Variants in LIN28B observed in about 807,000 individuals in gnomAD.
LIN28B encodes lin-28 RNA binding posttranscriptional regulator B, also known as protein lin-28 homolog B.
In LIN28B, 5 loss-of-function variants were observed where a neutral mutation model predicts 21.9. The ratio of observed to expected loss-of-function variants is 0.23; its 90% CI spans 0.12 to 0.48. The LOEUF is 0.48. Among genes scored for constraint, LIN28B ranks in the 20% least tolerant of loss-of-function variants. The pLI, the probability that LIN28B is intolerant of heterozygous loss-of-function variation, is 0.98. For missense variants in LIN28B, 245 were observed against 310.5 expected (o/e 0.79, Z 1.58); for synonymous variants, 109 against 111.3 (o/e 0.98, Z 0.13).
chr6:105,074,449 C>G (rs9500024), intron 3 of LIN28B, among the ~76,000 whole-genome samples: 1 of 152,142 alleles, frequency 6.6e-6, no homozygotes, highest in Non-Finnish European at 1.5e-5. Flanking sequence ...CTGCCCACCT[C>G]GGCCTCCCAA....
chr6:105,013,925 A>C (rs777630846), intron 2 of LIN28B, among the ~76,000 whole-genome samples: 3 of 151,722 alleles, frequency 2.0e-5, no homozygotes, highest in Non-Finnish European at 4.4e-5. Flanking sequence ...TTGATTCCTG[A>C]TTTTGATAAT....
At chr6:104,967,384 A>T (rs1769883567) in intron 2 of LIN28B, among the ~76,000 whole-genome samples, 1 of 151,718 alleles carries the variant, frequency 6.6e-6, no homozygotes, top group Non-Finnish European at 1.5e-5. Flanking sequence ...ATTTGAGACC[A>T]GCCTGGCCAA....
chr6:105,000,853 G>A (rs556278917), intron 2 of LIN28B, among the ~76,000 whole-genome samples: 1 of 152,138 alleles, frequency 6.6e-6, no homozygotes, highest in South Asian at 2.1e-4. Context: ...ATATGACCAA[G>A]GTCACACTAC....
chr6:104,938,050 C>CAAAAAAAAAAAAAAAAAAA (rs10562331), intron 2 of LIN28B, among the ~76,000 whole-genome samples: 2 of 73,710 alleles, frequency 2.7e-5, no homozygotes, highest in African/African-American at 1.2e-4. Flanking sequence ...CCTGTCTCTA[C>CAAAAAAAAAAAAAAAAAAA]AAAAAAAAAA....
chr6:104,949,672 T>C (rs1359416268), intron 2 of LIN28B, among the ~76,000 whole-genome samples: 3 of 152,180 alleles, frequency 2.0e-5, no homozygotes, highest in African/African-American at 2.4e-5. Flanking sequence ...CCAATCTGTT[T>C]TGCAAACCTT....
chr6:104,958,293 C>G lies in LIN28B; in HGVS notation c.198+7C>G, dbSNP rs753304259. 6.5e-6 allele frequency: 10 copies of G among 1,536,914 alleles called. No homozygotes were observed. The highest frequency in any genetic ancestry group is 8.0e-6 in the Non-Finnish European group (9 of 1,127,912). ...CGATGTATTTGTACACCAAGTAAGC[C>G]AAACTTTTTTGTCCCCCTCTTCATC... On this transcript the variant is annotated splice_region_variant and intron_variant, in intron 2 of 3. Transcript: ENST00000345080.
At chr6:105,031,402 T>C (rs1257263463) in intron 3 of LIN28B, among the ~76,000 whole-genome samples, 1 of 152,114 alleles carries the variant, frequency 6.6e-6, no homozygotes, top group Non-Finnish European at 1.5e-5. Flanking sequence ...ATTGATTTGG[T>C]CTGCTGATGT....
chr6:105,048,994 G>A (rs1293398675), intron 3 of LIN28B, among the ~76,000 whole-genome samples: 1 of 151,984 alleles, frequency 6.6e-6, no homozygotes, highest in Non-Finnish European at 1.5e-5. Flanking sequence ...TGTTTTGAAG[G>A]GTTTTTTGTG....
chr6:105,030,108 G>T (rs1771388612), intron 3 of LIN28B, among the ~76,000 whole-genome samples: 1 of 152,100 alleles, frequency 6.6e-6, no homozygotes, highest in Non-Finnish European at 1.5e-5. Flanking sequence ...TAAGCTAAGG[G>T]TGTCCATAAT....
chr6:105,031,726 G>A (rs560419948), intron 3 of LIN28B, among the ~76,000 whole-genome samples: 2 of 151,862 alleles, frequency 1.3e-5, no homozygotes, highest in African/African-American at 2.4e-5. Context: ...TAGTAGAGAC[G>A]GAGTTTCACC....
intron 2 of LIN28B, among the ~76,000 whole-genome samples, chr6:104,993,215 C>T (rs1438757484): frequency 6.6e-6 from 1 of 152,066 alleles, no homozygotes; most frequent in African/African-American, 2.4e-5. Flanking sequence ...CTCATGTAAT[C>T]CCAGCACTTA....
intron 2 of LIN28B, among the ~76,000 whole-genome samples, chr6:105,018,768 T>A (rs1288776244): frequency 1.3e-5 from 2 of 152,148 alleles, no homozygotes. Context: ...CATTTTCTAA[T>A]CTTTCACTTC....
intron 3 of LIN28B, among the ~76,000 whole-genome samples, chr6:105,055,940 T>TG (rs1317752399): frequency 1.4e-5 from 2 of 148,124 alleles, no homozygotes; most frequent in Non-Finnish European, 3.0e-5. Context: ...TTTTTTTTTT[T>TG]GGGTAGAGAC....
chr6:105,031,411 G>A (rs1771420460), intron 3 of LIN28B, among the ~76,000 whole-genome samples: 2 of 151,996 alleles, frequency 1.3e-5, no homozygotes, highest in African/African-American at 4.8e-5. Context: ...GTCTGCTGAT[G>A]TACCAGAAAG....
intron 3 of LIN28B, among the ~76,000 whole-genome samples, chr6:105,067,602 C>G (rs959420349): frequency 1.3e-4 from 20 of 151,682 alleles, no homozygotes; most frequent in African/African-American, 4.8e-4. Flanking sequence ...TTAGCCAGAA[C>G]AGACTATCTG....
At chr6:105,076,292 G>A (rs1176329224) in intron 3 of LIN28B, among the ~76,000 whole-genome samples, 1 of 151,574 alleles carries the variant, frequency 6.6e-6, no homozygotes, top group Non-Finnish European at 1.5e-5. Flanking sequence ...GTTAATCATT[G>A]CAAAGAATAA....
intron 3 of LIN28B, among the ~76,000 whole-genome samples, chr6:105,062,518 C>A (rs1485780298): frequency 6.6e-6 from 1 of 152,138 alleles, no homozygotes; most frequent in African/African-American, 2.4e-5. Context: ...TCAAATCCTG[C>A]TTTAAAAACT....
chr6:105,031,568 C>T (rs1341209661), intron 3 of LIN28B, among the ~76,000 whole-genome samples: 1 of 148,904 alleles, frequency 6.7e-6, no homozygotes, highest in African/African-American at 2.5e-5. Context: ...GAGTCTGGCT[C>T]CATCGCCCAG....
At chr6:104,991,472 G>T (rs1445250777) in intron 2 of LIN28B, among the ~76,000 whole-genome samples, 1 of 149,964 alleles carries the variant, frequency 6.7e-6, no homozygotes, top group Non-Finnish European at 1.5e-5. Flanking sequence ...GGGCAGAGAC[G>T]CTCCTCACTT....
Sources: allele counts gnomAD v4.1 joint callset (sites outside exome capture counted in the v4.1 genomes callset), GRCh38; gene constraint gnomAD v4.1.1; transcripts MANE v1.5; gene names NCBI Gene and HGNC (gene_info 2026-07-23, HGNC 2026-07-21).